Variants in PCDHGB7 observed in about 807,000 individuals in gnomAD.
PCDHGB7 encodes the protein protocadherin gamma-B7.
PCDHGB7 carries 37 observed loss-of-function variants against 61.4 expected under a neutral mutation model. The observed-to-expected ratio is 0.60, with a 90% CI of 0.46 to 0.79. The LOEUF is 0.79. Ranked by LOEUF, PCDHGB7 falls within the 30% of genes least tolerant of loss-of-function variation. The pLI is 0.00. For synonymous variants in PCDHGB7, 464 were observed against 503.5 expected, an observed-to-expected ratio of 0.92 and a Z score of 1.05; for missense variants, 1,166 against 1,202.5, an observed-to-expected ratio of 0.97 and a Z score of 0.45.
At chr5:141,480,584 G>A (rs1421730652) in intron 1 of PCDHGB7, among the ~76,000 whole-genome samples, 1 of 134,606 alleles carries the variant, frequency 7.4e-6, no homozygotes, top group Non-Finnish European at 1.6e-5. Context: ...AATAACTGCC[G>A]CTCTTCTGGT....
intron 1 of PCDHGB7, chr5:141,422,227 A>G: frequency 6.4e-7 from 1 of 1,566,716 alleles, no homozygotes; most frequent in Non-Finnish European, 8.6e-7. Context: ...CACCACGACG[A>G]TGTTGATCAC....
chr5:141,440,401 C>T (rs1023628115), intron 1 of PCDHGB7: 4 of 152,088 alleles, frequency 2.6e-5, no homozygotes, highest in African/African-American at 7.3e-5. Context: ...GAGAGGCAAT[C>T]GCACCACTGC....
chr5:141,480,970 A>C (rs1189003084), intron 1 of PCDHGB7, among the ~76,000 whole-genome samples: 1 of 152,120 alleles, frequency 6.6e-6, no homozygotes, highest in Non-Finnish European at 1.5e-5. Flanking sequence ...AGTGAGGGAG[A>C]ATCAGTGAAC....
chr5:141,456,712 C>T (rs1025899058), intron 1 of PCDHGB7, among the ~76,000 whole-genome samples: 2 of 152,190 alleles, frequency 1.3e-5, no homozygotes, highest in African/African-American at 4.8e-5. Context: ...CGCCTGTAAT[C>T]CCAGCACTTT....
intron 1 of PCDHGB7, chr5:141,423,780 T>C: frequency 8.0e-7 from 1 of 1,243,766 alleles, no homozygotes; most frequent in Non-Finnish European, 1.0e-6. Flanking sequence ...ATATATTTAG[T>C]TCATATATAT....
chr5:141,421,567 A>G (rs1202908091), intron 1 of PCDHGB7: 27 of 1,613,972 alleles, frequency 1.7e-5, no homozygotes, highest in Non-Finnish European at 2.2e-5. Context: ...CGTGGAAGAC[A>G]CCTTGAAGAT....
rs549051669 is a variant in PCDHGB7, at chr5:141,450,866, C to A, written c.2415+30592C>A. 4.7e-5 allele frequency among the ~76,000 whole-genome samples: 7 copies of A among 149,836 alleles called. No homozygotes were observed. In the East Asian group the frequency reaches 1.4e-3, roughly 29 times the overall value. On this transcript the variant is annotated intron_variant, in intron 1 of 3. Transcript: ENST00000398594. ...TTGAGATGGGGTCTTGCTCTGTCAC[C>A]CAGGCTGGTGTGCAGTGGTGCGATA...
chr5:141,422,328 TGCTCTTCTAAA>T (rs2096641385), intron 1 of PCDHGB7: 1 of 1,548,384 alleles, frequency 6.5e-7, no homozygotes, highest in Admixed American at 2.1e-5. Flanking sequence ...GTACAGTGAT[TGCTCTTCTAAA>T]TGTGCAAGAT....
In PCDHGB7 at chr5:141,485,615, C is replaced by G; in HGVS notation, c.2416-9192C>G. ...CTTGGAAATTGGGGAGGCAGCTCCTCCAGGACAGCGTTTCCCGTTGGAAAA... is the reference window on the plus strand; with the variant it reads ...CTTGGAAATTGGGGAGGCAGCTCCTGCAGGACAGCGTTTCCCGTTGGAAAA... On this transcript the variant is annotated intron_variant, in intron 1 of 3. Coordinates refer to ENST00000398594, the MANE Select transcript of PCDHGB7 (RefSeq NM_018927.4). This position sits in a 1 kb window ranked among gnomAD's most constrained non-coding sequence, Gnocchi z 5.7. 6.2e-7 allele frequency: 1 copy of G among 1,612,250 alleles called. No individual in the cohort carries two copies. The highest frequency in any genetic ancestry group is 1.3e-5 in the African/African-American group (1 of 74,992).
At position 141,487,741 on chromosome 5, in the gene PCDHGB7, A is replaced by C. The variant is rs773413559; in HGVS notation, c.2416-7066A>C. 1.6e-4 allele frequency: 247 copies of C among 1,561,638 alleles called. 1 individual carries two copies. The highest frequency in any genetic ancestry group is 2.1e-4 in the Non-Finnish European group (244 of 1,151,698). On this transcript the variant is annotated intron_variant, in intron 1 of 3. Coordinates refer to ENST00000398594, the MANE Select transcript of PCDHGB7 (RefSeq NM_018927.4). This position sits in a 1 kb window ranked among gnomAD's most constrained non-coding sequence, Gnocchi z 5.0. ...ATAGTGATGTCACCATTTTTGTAAG[A>C]GGTAACTATGTGGTAGACGCTGTGC... is the stretch of plus-strand genomic sequence containing the variant.
At chr5:141,503,745 G>A (rs1377110427) in intron 2 of PCDHGB7, among the ~76,000 whole-genome samples, 3 of 152,220 alleles carry the variant, frequency 2.0e-5, no homozygotes, top group South Asian at 2.1e-4. Flanking sequence ...ATGGTATAGA[G>A]GTCACACATG....
Position 141,432,846 on chromosome 5 carries a change from C to T in PCDHGB7, c.2415+12572C>T, listed in dbSNP as rs1312403897. ...GACCTCACTCTGTACCTGGTGGTAGCGGTGGCCGCGGTCTCCTGCGTCTTC... is the reference window on the plus strand; with the variant it reads ...GACCTCACTCTGTACCTGGTGGTAGTGGTGGCCGCGGTCTCCTGCGTCTTC... On this transcript the variant is annotated intron_variant, in intron 1 of 3. Transcript: ENST00000398594. The surrounding 1 kb of genome is among the most constrained non-coding windows in gnomAD (Gnocchi z 6.0). 2.5e-6 allele frequency: 4 copies of T among 1,614,192 alleles called. No homozygotes were observed. The African/African-American group carries it at 5.3e-5, about 22-fold the overall frequency.
rs776737236 is a variant in PCDHGB7, at chr5:141,431,439, G to T, written c.2415+11165G>T. 20 of 1,613,724 alleles carry T rather than the reference G, an allele frequency of 1.2e-5. No individual in the cohort carries two copies. The highest frequency in any genetic ancestry group is 4.5e-5 in the East Asian group (2 of 44,888). Reference sequence around the variant, plus strand: ...GACCCGGTGCGCACAGGCACCGCGCGCATCCGCGTGATGGTTCTGGATGCG... The same window carrying T: ...GACCCGGTGCGCACAGGCACCGCGCTCATCCGCGTGATGGTTCTGGATGCG... On this transcript the variant is annotated intron_variant, in intron 1 of 3. Coordinates refer to ENST00000398594, the MANE Select transcript of PCDHGB7 (RefSeq NM_018927.4). This position sits in a 1 kb window ranked among gnomAD's most constrained non-coding sequence, Gnocchi z 4.8.
Position 141,485,244 on chromosome 5 carries a change from T to G in PCDHGB7, c.2416-9563T>G. 5 of 1,614,168 alleles carry G rather than the reference T, an allele frequency of 3.1e-6. No individual in the cohort carries two copies. Among genetic ancestry groups the G allele is most frequent in the Non-Finnish European group, 4.2e-6 (5 of 1,180,006 alleles). On this transcript the variant is annotated intron_variant, in intron 1 of 3. Transcript: ENST00000398594. This position sits in a 1 kb window ranked among gnomAD's most constrained non-coding sequence, Gnocchi z 5.7. Reference sequence around the variant, plus strand: ...ACCCTTTTGTTCCTCTTTTACCACCTGGGTTACGTTTGTGGGCAGATCCGC... The same window carrying G: ...ACCCTTTTGTTCCTCTTTTACCACCGGGGTTACGTTTGTGGGCAGATCCGC...
At chr5:141,478,174 GA>G (rs1156842877) in intron 1 of PCDHGB7, 1 of 1,613,574 alleles carries the variant, frequency 6.2e-7, no homozygotes, top group East Asian at 2.2e-5. Context: ...CCCGGGAGCA[GA>G]AAAAAAATCT....
In PCDHGB7 at chr5:141,490,490, C is replaced by A. The variant is rs886264588; in HGVS notation, c.2416-4317C>A. The A allele has an allele frequency of 1.2e-6, 2 of 1,614,184 alleles. No individual in the cohort carries two copies. Among genetic ancestry groups the A allele is most frequent in the Non-Finnish European group, 1.7e-6 (2 of 1,180,028 alleles). ...AGCCAGCCTTTGGACCGGGAGGCCA[C>A]ATCCCACTATATCATCGAGCTGCTG... On this transcript the variant is annotated intron_variant, in intron 1 of 3. Transcript: ENST00000398594. The surrounding 1 kb of genome is among the most constrained non-coding windows in gnomAD (Gnocchi z 5.4).
At chr5:141,505,576 T>C in intron 3 of PCDHGB7, 95 bp downstream of exon 3, 5 of 1,590,334 alleles carry the variant, frequency 3.1e-6, no homozygotes, top group Admixed American at 1.7e-5. Context: ...ATGTCAAACC[T>C]GTGTAGTTTC....
intron 1 of PCDHGB7, among the ~76,000 whole-genome samples, chr5:141,451,430 T>C (rs1441183396): frequency 2.0e-5 from 3 of 152,240 alleles, no homozygotes; most frequent in Non-Finnish European, 4.4e-5. Context: ...AGACTAAGGG[T>C]TCCAGTTCCT....
At chr5:141,446,079 A>T (rs2098487021) in intron 1 of PCDHGB7, among the ~76,000 whole-genome samples, 1 of 152,234 alleles carries the variant, frequency 6.6e-6, no homozygotes, top group Non-Finnish European at 1.5e-5. Context: ...CAGTGGATGT[A>T]GAAATAAATG....
Sources: gnomAD v4.1 joint callset for allele counts (sites outside exome capture counted in the v4.1 genomes callset) on GRCh38, gnomAD v4.1.1 for gene constraint, Gnocchi (gnomAD v3.1) non-coding constraint, MANE v1.5 for transcripts, NCBI Gene and HGNC (gene_info 2026-07-23, HGNC 2026-07-21) for gene names.